UNC13A: variants seen among roughly 807,000 people sequenced by gnomAD.
UNC13A encodes the protein unc-13 homolog A, also known as protein unc-13 homolog A.
UNC13A carries 61 observed loss-of-function variants against 219.7 expected under a neutral mutation model. The observed-to-expected ratio is 0.28, with a 90% CI of 0.23 to 0.34. The LOEUF (loss-of-function observed/expected upper bound fraction) is 0.34. Among genes scored for constraint, UNC13A ranks in the 10% least tolerant of loss-of-function variants. UNC13A has a pLI of 1.00. For missense variants in UNC13A, 1,476 were observed against 2,270.3 expected (o/e 0.65, Z 7.11); for synonymous variants, 920 against 884.6 (o/e 1.04, Z -0.71).
intron 19 of UNC13A, among the ~76,000 whole-genome samples, 199 bp downstream of exon 19, chr19:17,645,475 C>T (rs2077016263): frequency 6.6e-6 from 1 of 152,068 alleles, no homozygotes; most frequent in Admixed American, 6.6e-5. Context: ...TAAGAGGTTC[C>T]TGGGCTCTGC....
In UNC13A at chr19:17,652,621, CATTA is replaced by C. The variant is rs1247329598; in HGVS notation, c.1439+6_1439+9del. Reference sequence around the variant, plus strand: ...ATCTTCCTCCCACCGCTCACAGTTTCATTACTTACCCGCCTTTGAACCATAGGGA... The same window carrying C: ...ATCTTCCTCCCACCGCTCACAGTTTCCTTACCCGCCTTTGAACCATAGGGA... On this transcript the variant is annotated splice_donor_region_variant and intron_variant, in intron 12 of 43. Transcript: ENST00000519716. The C allele has an allele frequency of 3.7e-6, 6 of 1,613,864 alleles. No homozygotes were observed. The highest frequency in any genetic ancestry group is 5.1e-6 in the Non-Finnish European group (6 of 1,179,808).
At chr19:17,608,441 ATATAT>A (rs1171139580) in intron 43 of UNC13A, among the ~76,000 whole-genome samples, 6 of 137,220 alleles carry the variant, frequency 4.4e-5, no homozygotes, top group African/African-American at 8.3e-5. Context: ...TATATTTATT[ATATAT>A]TATATAATAT....
At chr19:17,617,942 T>C in intron 40 of UNC13A, 93 bp from the exon 41 acceptor site, 1 of 1,491,694 alleles carries the variant, frequency 6.7e-7, no homozygotes, top group Non-Finnish European at 9.1e-7. Context: ...TCCCAATTCT[T>C]CCCGCTACTA....
At chr19:17,647,794 CT>C in intron 16 of UNC13A, among the ~76,000 whole-genome samples, 1 of 146,334 alleles carries the variant, frequency 6.8e-6, no homozygotes, top group African/African-American at 2.5e-5. Flanking sequence ...AGCCCCACCC[CT>C]CTGAGTCCCC....
rs1599830075 is a variant in UNC13A, at chr19:17,614,891, T to C, written c.4558+2811A>G. On this transcript the variant is annotated intron_variant, in intron 41 of 43. Coordinates refer to ENST00000519716, the MANE Select transcript of UNC13A (RefSeq NM_001080421.3). ...CCGGGCCAGACTGGGGTGCCGGGGG[T>C]GCCAGGGGGAATTGGACAGTGGTGG... Among the ~76,000 whole-genome samples, 6 of 151,474 alleles carry C rather than the reference T, an allele frequency of 4.0e-5. 1 individual carries two copies. Among genetic ancestry groups the C allele is most frequent in the Admixed American group, 3.9e-4 (6 of 15,224 alleles).
chr19:17,653,721 G>A (rs1320303783), intron 11 of UNC13A, among the ~76,000 whole-genome samples: 2 of 151,816 alleles, frequency 1.3e-5, no homozygotes, highest in Admixed American at 6.6e-5. Flanking sequence ...TCAAACTCCT[G>A]AGTGCAAGTG....
intron 1 of UNC13A, 144 bp from the exon 2 acceptor site, chr19:17,676,185 A>C (rs2079895438): frequency 1.1e-6 from 1 of 879,894 alleles, no homozygotes; most frequent in Non-Finnish European, 1.9e-6. Context: ...GATAAAAAGC[A>C]AAAGAGACAG....
At chr19:17,666,830 A>G (rs2079656957) in intron 6 of UNC13A, 126 bp from the exon 7 acceptor site, 1 of 503,276 alleles carries the variant, frequency 2.0e-6, no homozygotes. Context: ...CCTCTCTATG[A>G]GAAGGATACA....
chr19:17,606,339 G>GTCGGCGC lies in UNC13A; in HGVS notation c.4820_4826dup (p.Asp1609GlufsTer10). ...GCAGCTCATAGCACTCGGGACCCGC[G>GTCGGCGC]TCGGCGCTCAGCGTGCTGCGTGGGG... On this transcript the variant is annotated frameshift_variant, in exon 44 of 44. Transcript: ENST00000519716. LOFTEE classifies it low-confidence loss of function (END_TRUNC). 1.3e-6 allele frequency: 2 copies of GTCGGCGC among 1,545,976 alleles called. No homozygotes were observed. The highest frequency in any genetic ancestry group is 1.7e-6 in the Non-Finnish European group (2 of 1,147,330).
intron 7 of UNC13A, among the ~76,000 whole-genome samples, chr19:17,664,862 T>A (rs1772326278): frequency 6.6e-6 from 1 of 152,014 alleles, no homozygotes; most frequent in South Asian, 2.1e-4. Context: ...GAGACACAGA[T>A]ACAGGGAGAG....
chr19:17,671,592 A>C (rs907731673), intron 4 of UNC13A, among the ~76,000 whole-genome samples: 5 of 151,766 alleles, frequency 3.3e-5, no homozygotes, highest in Admixed American at 2.6e-4. Flanking sequence ...GCAACATGGC[A>C]AAACCCTGTC....
intron 1 of UNC13A, among the ~76,000 whole-genome samples, chr19:17,684,406 AG>A (rs2080072008): frequency 6.6e-6 from 1 of 152,172 alleles, no homozygotes; most frequent in African/African-American, 2.4e-5. Context: ...GGCTAGGAAT[AG>A]GGCTGGGTCC....
rs2076494676 is a variant in UNC13A at position 17,603,978 on chromosome 19, A to C, written c.*2076T>G. 6.6e-6 allele frequency: 1 copy of C among 152,044 alleles called. No individual in the cohort carries two copies. The highest frequency in any genetic ancestry group is 6.6e-5 in the Admixed American group (1 of 15,256). The allele number at this position is 152,044 out of a possible 1,614,324, so 9.4% of individuals were successfully genotyped here. ...AGGCATGCACCACTGCACCCAGCTA[A>C]TTTTTGTATTTTTAGCAGAGATGGG... On this transcript the variant is annotated 3_prime_UTR_variant, in exon 44 of 44. Transcript: ENST00000519716.
chr19:17,617,814 C>T lies in UNC13A; in HGVS notation c.4446G>A (p.Lys1482=), dbSNP rs868046801. ...GGTCCGGGCTCTTCTCCAGGAAGGT[C>T]TTCTTGAGGCCCACGCCACCCGCGT... ...YFHAGGVGLK[K]TFLEKSPDLQ... is the part of the protein sequence containing the mutation. The change falls in exon 41 of 44, where the codon AAG becomes AAA. Residue 1482 remains lysine (K), a synonymous_variant. Coordinates refer to ENST00000519716, the MANE Select transcript of UNC13A (RefSeq NM_001080421.3). The T allele has an allele frequency of 6.2e-7, 1 of 1,613,930 alleles. No homozygotes were observed. Among genetic ancestry groups the T allele is most frequent in the Non-Finnish European group, 8.5e-7 (1 of 1,179,848 alleles).
intron 6 of UNC13A, among the ~76,000 whole-genome samples, 176 bp from the exon 7 acceptor site, chr19:17,666,880 A>G (rs73009992): frequency 0.025 from 1,047 of 41,860 alleles, 4 homozygotes; most frequent in African/African-American, 0.054. Flanking sequence ...ACACACACAC[A>G]CGAGAGAGAG....
At position 17,649,583 on chromosome 19, in the gene UNC13A, CT is replaced by C; in HGVS notation, c.1443del (p.Gly483AlafsTer21). Reference protein sequence around the residue: ...MSKSLWFKGGPGGGLIIIDSM... With the variant: ...MSKSLWFKGGXGGGLIIIDSM... Reference sequence around the variant, plus strand: ...CTGTCGATGATGATGAGACCGCCCCCTGGGCTGAAAGACACAGAGGGACACT... The same window carrying C: ...CTGTCGATGATGATGAGACCGCCCCCGGGCTGAAAGACACAGAGGGACACT... On this transcript the variant is annotated frameshift_variant, in exon 13 of 44. Transcript: ENST00000519716. LOFTEE classifies it high-confidence loss of function. This position sits in a 1 kb window ranked among gnomAD's most constrained non-coding sequence, Gnocchi z 4.4. The C allele has an allele frequency of 1.9e-6, 3 of 1,613,894 alleles. No homozygotes were observed. The highest frequency in any genetic ancestry group is 2.5e-6 in the Non-Finnish European group (3 of 1,179,882).
chr19:17,653,348 TGTTTG>T (rs1419093008), intron 11 of UNC13A, among the ~76,000 whole-genome samples: 2 of 122,532 alleles, frequency 1.6e-5, no homozygotes, highest in Non-Finnish European at 3.7e-5. Flanking sequence ...ATATATATTT[TGTTTG>T]TTTGTTTGTT....
chr19:17,673,593 T>G (rs1367959300), intron 3 of UNC13A, among the ~76,000 whole-genome samples: 1 of 150,768 alleles, frequency 6.6e-6, no homozygotes. Flanking sequence ...CTCGGGAGGC[T>G]AAGGCAGGAG....
intron 11 of UNC13A, among the ~76,000 whole-genome samples, chr19:17,653,329 A>AAAAT (rs2079386047): frequency 6.7e-6 from 1 of 148,502 alleles, no homozygotes. Context: ...TCCTGAAATA[A>AAAAT]ATATATATAT....
Sources: gnomAD v4.1 joint callset for allele counts (sites outside exome capture counted in the v4.1 genomes callset) on GRCh38, gnomAD v4.1.1 for gene constraint, Gnocchi (gnomAD v3.1) non-coding constraint, MANE v1.5 for transcripts, NCBI Gene and HGNC (gene_info 2026-07-23, HGNC 2026-07-21) for gene names.